The following PREX1 variants were observed in gnomAD, a reference collection of about 807,000 sequenced individuals.
PREX1 encodes the protein phosphatidylinositol-3,4,5-trisphosphate dependent Rac exchange factor 1.
In PREX1, 41 loss-of-function variants were observed where a neutral mutation model predicts 198.3. That is an observed-to-expected ratio of 0.21 (90% confidence interval 0.16 to 0.27). The LOEUF (loss-of-function observed/expected upper bound fraction) is 0.27, where lower values mean the gene tolerates loss of function less well. Ranked by LOEUF, PREX1 falls within the 10% of genes least tolerant of loss-of-function variation. PREX1 has a pLI of 1.00. For synonymous variants in PREX1, 843 were observed against 887.2 expected (o/e 0.95, Z 0.89); for missense variants, 1,620 against 2,200.7 (o/e 0.74, Z 5.28).
In PREX1 at chr20:48,793,159, G is replaced by A. The variant is rs374632249; in HGVS notation, c.219+34483C>T. On this transcript the variant is annotated intron_variant, in intron 1 of 39. Coordinates refer to ENST00000371941, the MANE Select transcript of PREX1 (RefSeq NM_020820.4). ...GCAGAGGCTACAGTGAGCTGAGATC[G>A]TGCCACTGCACTCCATCCTGGATAA... 3.1e-4 allele frequency among the ~76,000 whole-genome samples: 47 copies of A among 152,268 alleles called. 1 individual carries two copies. The South Asian group carries it at 5.2e-3, about 17-fold the overall frequency.
intron 3 of PREX1, among the ~76,000 whole-genome samples, chr20:48,743,682 A>T (rs1411080837): frequency 6.6e-6 from 1 of 152,264 alleles, no homozygotes; most frequent in African/African-American, 2.4e-5. Context: ...TATCTTGCTT[A>T]ATCCTCACAA....
chr20:48,866,448 G>A, the PREX1 span, among the ~76,000 whole-genome samples: 1 of 152,174 alleles, frequency 6.6e-6, no homozygotes, highest in Admixed American at 6.5e-5. Flanking sequence ...AGCAGAATGT[G>A]TGTTAACAAG....
intron 1 of PREX1, among the ~76,000 whole-genome samples, chr20:48,777,406 C>T (rs2090267541): frequency 6.6e-6 from 1 of 152,204 alleles, no homozygotes; most frequent in Non-Finnish European, 1.5e-5. Context: ...CCCCAGCAAC[C>T]TTCAGAACTG....
At position 48,632,399 on chromosome 20, in the gene PREX1, G is replaced by A. The variant is rs1189670496; in HGVS notation, c.4412-8C>T. 1.2e-6 allele frequency: 2 copies of A among 1,613,570 alleles called. No individual in the cohort carries two copies. The highest frequency in any genetic ancestry group is 2.2e-5 in the East Asian group (1 of 44,876). Reference sequence around the variant, plus strand: ...CCTCCACGTTCTCCAGCACTGGGAGGGGAGATGTCGGGGGCGGGCAGGCGG... The same window carrying A: ...CCTCCACGTTCTCCAGCACTGGGAGAGGAGATGTCGGGGGCGGGCAGGCGG... On this transcript the variant is annotated splice_polypyrimidine_tract_variant and splice_region_variant and intron_variant, in intron 34 of 39. Coordinates refer to ENST00000371941, the MANE Select transcript of PREX1 (RefSeq NM_020820.4).
chr20:48,786,207 T>C (rs1005630198), intron 1 of PREX1, among the ~76,000 whole-genome samples: 6 of 147,058 alleles, frequency 4.1e-5, no homozygotes, highest in Admixed American at 4.1e-4. Flanking sequence ...GGTGGCATGC[T>C]GGGGGCGGGG....
intron 13 of PREX1, among the ~76,000 whole-genome samples, chr20:48,676,824 T>C (rs994447228): frequency 1.3e-5 from 2 of 152,156 alleles, no homozygotes; most frequent in African/African-American, 4.8e-5. Flanking sequence ...GTGGTTGACA[T>C]TGATGTATTT....
At chr20:48,660,153 C>A in intron 15 of PREX1, 92 bp from the exon 16 acceptor site, 2 of 1,506,102 alleles carry the variant, frequency 1.3e-6, no homozygotes, top group South Asian at 1.1e-5. Context: ...TGGAACTAGG[C>A]CATGGACACG....
At chr20:48,836,368 G>A in the PREX1 span, among the ~76,000 whole-genome samples, 2 of 152,290 alleles carry the variant, frequency 1.3e-5, no homozygotes, top group Admixed American at 1.3e-4. Flanking sequence ...AGAGGTCTGG[G>A]TCACACCAGC....
At chr20:48,851,527 A>C in the PREX1 span, among the ~76,000 whole-genome samples, 1 of 152,068 alleles carries the variant, frequency 6.6e-6, no homozygotes, top group Non-Finnish European at 1.5e-5. Flanking sequence ...AAAATAAATA[A>C]ATAAATAATA....
intron 1 of PREX1, among the ~76,000 whole-genome samples, chr20:48,785,649 C>G (rs1601134879): frequency 6.6e-6 from 1 of 152,346 alleles, no homozygotes; most frequent in East Asian, 1.9e-4. Context: ...ACAGAAGTAC[C>G]TGTCCCAGCT....
chr20:48,782,855 GAGA>G (rs1322684439), intron 1 of PREX1, among the ~76,000 whole-genome samples: 5 of 152,206 alleles, frequency 3.3e-5, no homozygotes, highest in South Asian at 4.1e-4. Context: ...CATCACAAGG[GAGA>G]AGAAGTGAAC....
chr20:48,879,412 T>G, the PREX1 span, among the ~76,000 whole-genome samples: 27 of 149,452 alleles, frequency 1.8e-4, no homozygotes, highest in African/African-American at 7.0e-4. Context: ...ACATTCATAA[T>G]AGTTGATAAA....
At chr20:48,855,131 A>G in the PREX1 span, among the ~76,000 whole-genome samples, 3 of 152,300 alleles carry the variant, frequency 2.0e-5, no homozygotes, top group African/African-American at 7.2e-5. Context: ...AAATAGCTAG[A>G]AAACCCCTAA....
At chr20:48,712,042 T>C (rs1477385996) in intron 5 of PREX1, among the ~76,000 whole-genome samples, 4 of 152,212 alleles carry the variant, frequency 2.6e-5, no homozygotes, top group Non-Finnish European at 4.4e-5. Flanking sequence ...AAGCCACTCT[T>C]GTTTCAGAGC....
intron 25 of PREX1, among the ~76,000 whole-genome samples, chr20:48,647,796 A>C (rs973913276): frequency 5.9e-5 from 9 of 152,140 alleles, no homozygotes; most frequent in African/African-American, 2.2e-4. Context: ...ATCATACACA[A>C]AAGTAGAGAG....
At chr20:48,732,469 G>A (rs1468498234) in intron 4 of PREX1, among the ~76,000 whole-genome samples, 2 of 152,032 alleles carry the variant, frequency 1.3e-5, no homozygotes, top group Admixed American at 6.6e-5. Flanking sequence ...TACTGAATTC[G>A]GTATGTGCTG....
intron 33 of PREX1, 50 bp from the exon 34 acceptor site, chr20:48,632,689 G>A (rs757783840): frequency 1.2e-6 from 2 of 1,602,398 alleles, no homozygotes; most frequent in South Asian, 2.2e-5. Flanking sequence ...CCAAGGCCAG[G>A]GGAAGCCCTG....
Position 48,679,749 on chromosome 20 carries a change from C to G in PREX1, c.1441G>C (p.Asp481His), listed in dbSNP as rs776865062. The G allele has an allele frequency of 1.2e-6, 2 of 1,611,016 alleles. No individual in the cohort carries two copies. The highest frequency in any genetic ancestry group is 1.7e-6 in the Non-Finnish European group (2 of 1,177,204). ...TGCTCATTCTTGAACTGGTGCTTGT[C>G]GGAAACTGGAGAGACAGGAGGACCT... The part of the protein sequence containing the change: ...LENGIIHHVS[D>H]KHQFKNEQVM... The change falls in exon 12 of 40, where the codon GAC (aspartate) becomes CAC (histidine). Residue 481 changes from aspartate to histidine, a missense_variant. Coordinates refer to ENST00000371941, the MANE Select transcript of PREX1 (RefSeq NM_020820.4).
intron 1 of PREX1, among the ~76,000 whole-genome samples, chr20:48,754,753 C>G (rs919733377): frequency 1.3e-5 from 2 of 151,808 alleles, no homozygotes; most frequent in African/African-American, 4.8e-5. Flanking sequence ...AAAGGGGGTG[C>G]CCTGAGGACC....
Sources: allele counts gnomAD v4.1 joint callset (sites outside exome capture counted in the v4.1 genomes callset), GRCh38; gene constraint gnomAD v4.1.1; transcripts MANE v1.5; gene names NCBI Gene and HGNC (gene_info 2026-07-23, HGNC 2026-07-21).